TASP1: variants seen among roughly 807,000 people sequenced by gnomAD.
TASP1 encodes the protein taspase 1.
A neutral mutation model predicts 56.6 loss-of-function variants in TASP1; 16 were observed. The observed-to-expected ratio is 0.28, with a 90% CI of 0.19 to 0.43. TASP1 has a LOEUF of 0.43. TASP1 is among the 20% of genes least tolerant of loss of function. The probability of loss-of-function intolerance (pLI) is 1.00; values close to 1 mark genes in which losing one functional copy is unlikely to be tolerated. For missense variants in TASP1, 393 were observed against 511.6 expected, an observed-to-expected ratio of 0.77 and a Z score of 2.24; for synonymous variants, 179 against 184.2, an observed-to-expected ratio of 0.97 and a Z score of 0.23.
intron 4 of TASP1, among the ~76,000 whole-genome samples, chr20:13,615,405 G>A (rs2048486440): frequency 6.6e-6 from 1 of 151,914 alleles, no homozygotes; most frequent in Non-Finnish European, 1.5e-5. Context: ...GATTTCTATA[G>A]TGAGGTACAA....
At chr20:13,521,704 C>T (rs2044764887) in intron 10 of TASP1, among the ~76,000 whole-genome samples, 1 of 151,848 alleles carries the variant, frequency 6.6e-6, no homozygotes, top group South Asian at 2.1e-4. Context: ...ATGGGTGCAG[C>T]ACACCAACAT....
chr20:13,370,297 T>C, the TASP1 span, among the ~76,000 whole-genome samples: 1 of 152,078 alleles, frequency 6.6e-6, no homozygotes, highest in Non-Finnish European at 1.5e-5. Context: ...TTAAATTATA[T>C]AATAATTTAA....
chr20:13,622,853 CT>C (rs1429611325), intron 4 of TASP1, among the ~76,000 whole-genome samples: 1 of 152,200 alleles, frequency 6.6e-6, no homozygotes, highest in African/African-American at 2.4e-5. Flanking sequence ...TCAATATCCC[CT>C]GCACAAATTC....
chr20:13,493,267 T>C (rs577276553), intron 10 of TASP1, among the ~76,000 whole-genome samples: 160 of 152,286 alleles, frequency 1.1e-3, no homozygotes, highest in African/African-American at 3.7e-3. Flanking sequence ...GCCACTCTCT[T>C]TTCCTTGCTC....
At chr20:13,272,364 G>A in the TASP1 span, among the ~76,000 whole-genome samples, 2 of 152,128 alleles carry the variant, frequency 1.3e-5, no homozygotes, top group African/African-American at 2.4e-5. Context: ...ACCAACCCCC[G>A]CTGTATATAA....
chr20:13,504,023 A>G (rs1233847766), intron 10 of TASP1, among the ~76,000 whole-genome samples: 1 of 152,150 alleles, frequency 6.6e-6, no homozygotes, highest in Non-Finnish European at 1.5e-5. Context: ...AAAGAGAAAG[A>G]AAGACACATA....
At chr20:13,346,158 C>T in the TASP1 span, among the ~76,000 whole-genome samples, 1 of 148,686 alleles carries the variant, frequency 6.7e-6, no homozygotes, top group Non-Finnish European at 1.5e-5. Flanking sequence ...ACAAAGTCTC[C>T]TGGAACAACT....
intron 6 of TASP1, among the ~76,000 whole-genome samples, chr20:13,572,397 C>T (rs765698564): frequency 2.0e-5 from 3 of 152,128 alleles, no homozygotes; most frequent in Non-Finnish European, 2.9e-5. Flanking sequence ...GTAATTAAAA[C>T]TCTCAGCTGG....
the TASP1 span, among the ~76,000 whole-genome samples, chr20:13,139,152 C>A: frequency 2.2e-4 from 33 of 152,278 alleles, no homozygotes; most frequent in South Asian, 6.8e-3. Context: ...GTTTTTCAAT[C>A]AAGAAACTAT....
rs951633373 is a variant in TASP1 at position 13,410,675 on chromosome 20, CT to C, written c.1170+6772del. Reference sequence around the variant, plus strand: ...TCTTTTGGCTACTTTTTAATGGGATCTTTTTTTTTAAACATTGAGTTGTTTG... The same window carrying C: ...TCTTTTGGCTACTTTTTAATGGGATCTTTTTTTTAAACATTGAGTTGTTTG... On this transcript the variant is annotated intron_variant, in intron 13 of 13. Transcript: ENST00000337743. 4.6e-5 allele frequency among the ~76,000 whole-genome samples: 7 copies of C among 151,142 alleles called. No homozygotes were observed. In the South Asian group the frequency reaches 1.0e-3, roughly 23 times the overall value.
At chr20:13,135,719 C>T in the TASP1 span, among the ~76,000 whole-genome samples, 1 of 152,276 alleles carries the variant, frequency 6.6e-6, no homozygotes, top group South Asian at 2.1e-4. Flanking sequence ...AAAGTTGGAA[C>T]GATTCTAGCT....
At chr20:13,230,775 AC>A in the TASP1 span, among the ~76,000 whole-genome samples, 4 of 152,030 alleles carry the variant, frequency 2.6e-5, no homozygotes, top group African/African-American at 9.7e-5. Flanking sequence ...AGAAAAAAAA[AC>A]CTCACTTTGC....
At chr20:13,226,119 A>G in the TASP1 span, among the ~76,000 whole-genome samples, 1 of 152,202 alleles carries the variant, frequency 6.6e-6, no homozygotes, top group Non-Finnish European at 1.5e-5. Flanking sequence ...TATTTTTACA[A>G]TAACATTAAA....
intron 11 of TASP1, among the ~76,000 whole-genome samples, chr20:13,463,726 T>C (rs2044145286): frequency 6.6e-6 from 1 of 151,966 alleles, no homozygotes; most frequent in African/African-American, 2.4e-5. Context: ...GATATACAAA[T>C]GGCCAATAAG....
In TASP1 at chr20:13,479,977, A is replaced by G. The variant is rs139500365; in HGVS notation, c.985+3250T>C. ...ACTAATTACACCACCAGTGTGTTAAAAGAGAAAAAAACTCAACCTCCTTGC... is the reference window on the plus strand; with the variant it reads ...ACTAATTACACCACCAGTGTGTTAAGAGAGAAAAAAACTCAACCTCCTTGC... On this transcript the variant is annotated intron_variant, in intron 11 of 13. Coordinates refer to ENST00000337743, the MANE Select transcript of TASP1 (RefSeq NM_017714.3). 2.7e-3 allele frequency among the ~76,000 whole-genome samples: 409 copies of G among 152,332 alleles called. 1 individual carries two copies. Among genetic ancestry groups the G allele is most frequent in the African/African-American group, 9.5e-3 (395 of 41,576 alleles).
At chr20:13,209,645 T>C in the TASP1 span, among the ~76,000 whole-genome samples, 4 of 152,192 alleles carry the variant, frequency 2.6e-5, no homozygotes, top group African/African-American at 9.6e-5. Flanking sequence ...GGATTTATTC[T>C]CCTTCGACAA....
At chr20:13,634,540 G>T (rs1270682890) in intron 1 of TASP1, among the ~76,000 whole-genome samples, 1 of 151,942 alleles carries the variant, frequency 6.6e-6, no homozygotes, top group Non-Finnish European at 1.5e-5. Context: ...GACAAGCCTG[G>T]CCAACATGGC....
intron 10 of TASP1, among the ~76,000 whole-genome samples, chr20:13,495,064 C>T (rs940126331): frequency 3.3e-5 from 5 of 151,926 alleles, no homozygotes; most frequent in Non-Finnish European, 5.9e-5. Context: ...AGTCCACAAA[C>T]AGAAAGAACA....
chr20:13,496,628 A>G (rs1311107511), intron 10 of TASP1, among the ~76,000 whole-genome samples: 1 of 152,182 alleles, frequency 6.6e-6, no homozygotes, highest in African/African-American at 2.4e-5. Flanking sequence ...AGTAAAGTCA[A>G]AGATCACAGA....
Sources: allele counts gnomAD v4.1 joint callset (sites outside exome capture counted in the v4.1 genomes callset), GRCh38; gene constraint gnomAD v4.1.1; transcripts MANE v1.5; gene names NCBI Gene and HGNC (gene_info 2026-07-23, HGNC 2026-07-21).